GRM1: variants seen among roughly 807,000 people sequenced by gnomAD.
GRM1 encodes metabotropic glutamate receptor 1.
In GRM1, 33 loss-of-function variants were observed where a neutral mutation model predicts 90.9. The observed-to-expected ratio is 0.36, with a 90% CI of 0.28 to 0.49. The LOEUF (loss-of-function observed/expected upper bound fraction) is 0.49. GRM1 is among the 20% of genes least tolerant of loss of function. The pLI is 0.99. For synonymous variants in GRM1, 700 were observed against 613.2 expected (o/e 1.14, Z -2.09); for missense variants, 1,190 against 1,534.3 (o/e 0.78, Z 3.75).
intron 1 of GRM1, among the ~76,000 whole-genome samples, chr6:146,156,645 C>T (rs1474331462): frequency 6.6e-6 from 1 of 152,202 alleles, no homozygotes; most frequent in East Asian, 1.9e-4. Flanking sequence ...CTGTTCTTCC[C>T]TGCTTCTCTT....
chr6:146,310,013 T>C (rs924231674), intron 3 of GRM1, among the ~76,000 whole-genome samples: 3 of 152,208 alleles, frequency 2.0e-5, no homozygotes, highest in African/African-American at 7.2e-5. Context: ...TTTGTACCAA[T>C]TGAGAACAGA....
At chr6:146,167,875 C>T (rs575307073) in intron 2 of GRM1, among the ~76,000 whole-genome samples, 2 of 152,062 alleles carry the variant, frequency 1.3e-5, no homozygotes, top group African/African-American at 4.8e-5. Context: ...GAAGATGAAA[C>T]ATTTTGAATT....
intron 1 of GRM1, among the ~76,000 whole-genome samples, chr6:146,143,197 C>T (rs1211226525): frequency 6.6e-6 from 1 of 152,206 alleles, no homozygotes; most frequent in Non-Finnish European, 1.5e-5. Context: ...TCAAGAGGTC[C>T]TCACGTTCTT....
intron 2 of GRM1, among the ~76,000 whole-genome samples, chr6:146,297,672 C>A (rs1783227619): frequency 6.6e-6 from 1 of 152,160 alleles, no homozygotes. Context: ...TAATGAGTTA[C>A]TAAACCATTG....
intron 1 of GRM1, among the ~76,000 whole-genome samples, chr6:146,059,339 G>A (rs953198233): frequency 2.0e-5 from 3 of 152,106 alleles, no homozygotes; most frequent in East Asian, 1.9e-4. Context: ...TATTGTCAAT[G>A]AGCAGTAATA....
At chr6:146,306,347 A>G (rs904603837) in intron 3 of GRM1, among the ~76,000 whole-genome samples, 2 of 152,210 alleles carry the variant, frequency 1.3e-5, no homozygotes, top group African/African-American at 2.4e-5. Flanking sequence ...TTTGCAAAAC[A>G]GAGGTGATGA....
intron 2 of GRM1, among the ~76,000 whole-genome samples, chr6:146,267,239 T>C (rs982351838): frequency 6.6e-6 from 1 of 152,256 alleles, no homozygotes; most frequent in Non-Finnish European, 1.5e-5. Context: ...TGTGGCTGCA[T>C]AATATTCCAT....
intron 3 of GRM1, among the ~76,000 whole-genome samples, chr6:146,314,624 T>C (rs1268169881): frequency 6.6e-6 from 1 of 152,194 alleles, no homozygotes; most frequent in Non-Finnish European, 1.5e-5. Flanking sequence ...TGGAGATATA[T>C]GATTGGGAAA....
intron 1 of GRM1, among the ~76,000 whole-genome samples, chr6:146,057,070 C>CAT (rs1225322516): frequency 6.6e-6 from 1 of 152,122 alleles, no homozygotes; most frequent in African/African-American, 2.4e-5. Context: ...ATAGCCAGAT[C>CAT]ATAGTTCAAT....
At chr6:146,106,261 T>C (rs1260695463) in intron 1 of GRM1, among the ~76,000 whole-genome samples, 1 of 152,212 alleles carries the variant, frequency 6.6e-6, no homozygotes, top group African/African-American at 2.4e-5. Flanking sequence ...AATCCTGATA[T>C]AGAAGGTCAA....
intron 2 of GRM1, among the ~76,000 whole-genome samples, chr6:146,193,304 A>C (rs555565158): frequency 6.6e-6 from 1 of 152,212 alleles, no homozygotes; most frequent in Non-Finnish European, 1.5e-5. Flanking sequence ...GGATGAGATC[A>C]TCAAGGTTGT....
intron 1 of GRM1, among the ~76,000 whole-genome samples, chr6:146,051,087 G>C (rs1323542299): frequency 6.6e-6 from 1 of 151,966 alleles, no homozygotes; most frequent in African/African-American, 2.4e-5. Context: ...GGGATTAGTG[G>C]TTAATAAGGA....
intron 1 of GRM1, among the ~76,000 whole-genome samples, chr6:146,086,286 C>T (rs1463510845): frequency 6.6e-6 from 1 of 152,142 alleles, no homozygotes; most frequent in Non-Finnish European, 1.5e-5. Flanking sequence ...GGTCATTTCA[C>T]TGAATCGCAC....
intron 7 of GRM1, among the ~76,000 whole-genome samples, chr6:146,401,655 A>G (rs565287104): frequency 1.3e-5 from 2 of 152,296 alleles, no homozygotes; most frequent in South Asian, 4.1e-4. Flanking sequence ...CCTTGCCTTT[A>G]TTATGGTTCT....
At chr6:146,265,616 A>G (rs1299764336) in intron 2 of GRM1, among the ~76,000 whole-genome samples, 1 of 152,154 alleles carries the variant, frequency 6.6e-6, no homozygotes, top group Non-Finnish European at 1.5e-5. Context: ...GCCAATGTCT[A>G]GAAGACTTTT....
At chr6:146,064,745 C>T (rs73576992) in intron 1 of GRM1, among the ~76,000 whole-genome samples, 3,140 of 147,594 alleles carry the variant, frequency 0.021, 106 homozygotes, top group African/African-American at 0.074. Context: ...GAGCCGAGAT[C>T]GCGCCACTGC....
chr6:146,345,545 G>T (rs1785154839), intron 3 of GRM1, among the ~76,000 whole-genome samples: 1 of 152,122 alleles, frequency 6.6e-6, no homozygotes, highest in Non-Finnish European at 1.5e-5. Flanking sequence ...TATTAGCTCA[G>T]CCTAAATCAC....
At chr6:146,394,700 T>C (rs1035711163) in intron 6 of GRM1, among the ~76,000 whole-genome samples, 2 of 152,154 alleles carry the variant, frequency 1.3e-5, no homozygotes, top group African/African-American at 2.4e-5. Context: ...ATGTTTCAGC[T>C]AAGAAATACA....
chr6:146,141,010 G>C (rs1451343919), intron 1 of GRM1, among the ~76,000 whole-genome samples: 1 of 152,050 alleles, frequency 6.6e-6, no homozygotes, highest in African/African-American at 2.4e-5. Flanking sequence ...CATTAATTTT[G>C]TTTTCTCTCA....
Sources: allele counts gnomAD v4.1 joint callset (sites outside exome capture counted in the v4.1 genomes callset), GRCh38; gene constraint gnomAD v4.1.1; transcripts MANE v1.5; gene names NCBI Gene and HGNC (gene_info 2026-07-23, HGNC 2026-07-21).